Variants in RPS24 observed in about 807,000 individuals in gnomAD.
RPS24 encodes the protein small ribosomal subunit protein eS24.
For missense variants in RPS24, 100 were observed against 162.5 expected, an observed-to-expected ratio of 0.62 and a Z score of 2.09; for synonymous variants, 72 against 55.6, an observed-to-expected ratio of 1.30 and a Z score of -1.31.
Position 78,035,332 on chromosome 10 carries a change from C to T in RPS24, c.4-20C>T. 6.2e-7 allele frequency: 1 copy of T among 1,612,270 alleles called. No homozygotes were observed. The highest frequency in any genetic ancestry group is 8.5e-7 in the Non-Finnish European group (1 of 1,178,430). On this transcript the variant is annotated intron_variant, in intron 1 of 5. Coordinates refer to ENST00000372360, the MANE Select transcript of RPS24 (RefSeq NM_033022.4). ...GAAAAGTTGGAGTAGTTTTATTAAC[C>T]AGAGTGTTTATGTTTTCAGAACGAC...
exon 5 of RPS24, chr10:78,054,846 G>T: frequency 6.4e-7 from 1 of 1,551,392 alleles, no homozygotes; most frequent in Non-Finnish European, 8.7e-7. Flanking sequence ...TCCCCACCCT[G>T]TGGACGGTGA....
At chr10:78,037,981 A>T in intron 4 of RPS24, 1 of 1,278,076 alleles carries the variant, frequency 7.8e-7, no homozygotes, top group South Asian at 1.3e-5. Flanking sequence ...AGTGTCTAGC[A>T]GGTACTGAGA....
chr10:78,041,197 G>A (rs1444608899), downstream of RPS24, among the ~76,000 whole-genome samples: 1 of 152,214 alleles, frequency 6.6e-6, no homozygotes, highest in Non-Finnish European at 1.5e-5. Context: ...AGAGCTGAAA[G>A]ACTTGGTTGG....
At chr10:78,051,871 G>C (rs181737034) in intron 4 of RPS24, among the ~76,000 whole-genome samples, 6 of 152,220 alleles carry the variant, frequency 3.9e-5, no homozygotes, top group Non-Finnish European at 5.9e-5. Context: ...TTAGAAAAAT[G>C]CCTGTTTGAA....
At chr10:78,041,654 G>A (rs770915863), downstream of RPS24, among the ~76,000 whole-genome samples, 6 of 152,304 alleles carry the variant, frequency 3.9e-5, no homozygotes, top group East Asian at 7.7e-4. Flanking sequence ...CTGGAGTGTG[G>A]AAGCAGAGAA....
intron 3 of RPS24, 32 bp downstream of exon 3, chr10:78,035,752 T>C (rs765132622): frequency 6.4e-7 from 1 of 1,553,790 alleles, no homozygotes; most frequent in Non-Finnish European, 8.8e-7. Flanking sequence ...GATCAGCTCC[T>C]GAAGACCTAT....
exon 5 of RPS24, chr10:78,054,552 G>T (rs753338887): frequency 6.5e-7 from 1 of 1,545,190 alleles, no homozygotes; most frequent in East Asian, 2.5e-5. Flanking sequence ...GGGGCTTGGA[G>T]TGCAAGCATT....
At chr10:78,044,068 T>C (rs151205188), downstream of RPS24, among the ~76,000 whole-genome samples, 5 of 152,216 alleles carry the variant, frequency 3.3e-5, no homozygotes, top group African/African-American at 4.8e-5. Context: ...ATTATTAATA[T>C]CTTACTCCCT....
intron 5 of RPS24, 93 bp from the exon 6 acceptor site, chr10:78,040,520 AAT>A (rs1847969979): frequency 1.1e-6 from 1 of 899,084 alleles, no homozygotes; most frequent in South Asian, 1.3e-5. Context: ...GGTTACTAAT[AAT>A]TGTTGTGCAT....
chr10:78,043,245 C>T (rs1335490840), downstream of RPS24, among the ~76,000 whole-genome samples: 12 of 152,228 alleles, frequency 7.9e-5, no homozygotes, highest in African/African-American at 2.4e-4. Context: ...CCTTGTGATC[C>T]GCCTGCCTTG....
chr10:78,048,860 G>A (rs543891194), intron 4 of RPS24: 32 of 137,218 alleles, frequency 2.3e-4, no homozygotes, highest in African/African-American at 9.1e-4. Context: ...GGGCGACAGA[G>A]CGAGAGTCCA....
chr10:78,043,811 T>G (rs1168858476), downstream of RPS24, among the ~76,000 whole-genome samples: 1 of 152,188 alleles, frequency 6.6e-6, no homozygotes, highest in Non-Finnish European at 1.5e-5. Flanking sequence ...AGTCCCCACC[T>G]ATCTAGTTTC....
At chr10:78,043,945 C>T (rs1848014763), downstream of RPS24, among the ~76,000 whole-genome samples, 1 of 143,282 alleles carries the variant, frequency 7.0e-6, no homozygotes, top group African/African-American at 3.0e-5. Flanking sequence ...CGTCACCATG[C>T]CTACGTCATT....
At chr10:78,056,754 T>A (rs7076705) in exon 5 of RPS24, 20,557 of 152,250 alleles carry the variant, frequency 0.14, 4,488 homozygotes, top group African/African-American at 0.46. Flanking sequence ...CTCCCTGAAG[T>A]ATCTATACCC....
exon 5 of RPS24, chr10:78,055,047 A>T (rs1354588689): frequency 1.4e-6 from 2 of 1,457,070 alleles, no homozygotes; most frequent in Non-Finnish European, 9.1e-7. Flanking sequence ...ATTTCTGAGG[A>T]TGCTTCATCT....
downstream of RPS24, among the ~76,000 whole-genome samples, chr10:78,044,725 G>A (rs1848024449): frequency 6.6e-6 from 1 of 150,618 alleles, no homozygotes; most frequent in Non-Finnish European, 1.5e-5. Context: ...TGAGGTCCTG[G>A]TAAGAAACGA....
At chr10:78,034,071 G>T (rs1847801910) in intron 1 of RPS24, 167 bp downstream of exon 1, 2 of 809,172 alleles carry the variant, frequency 2.5e-6, no homozygotes, top group Middle Eastern at 2.5e-4. Flanking sequence ...CAGGGCGTCC[G>T]GGCTGGCGGG....
chr10:78,037,763 G>A (rs775083781), intron 4 of RPS24: 12 of 365,760 alleles, frequency 3.3e-5, no homozygotes, highest in Non-Finnish European at 5.0e-5. Context: ...TTCCTCTCCA[G>A]TTGGCCAAGA....
At chr10:78,046,213 C>G (rs940433577) in intron 4 of RPS24, among the ~76,000 whole-genome samples, 6 of 152,136 alleles carry the variant, frequency 3.9e-5, no homozygotes, top group Non-Finnish European at 8.8e-5. Context: ...AATGGGAATA[C>G]TGTCTCTGCC....
Sources: gnomAD v4.1 joint callset for allele counts (sites outside exome capture counted in the v4.1 genomes callset) on GRCh38, gnomAD v4.1.1 for gene constraint, MANE v1.5 for transcripts, NCBI Gene and HGNC (gene_info 2026-07-23, HGNC 2026-07-21) for gene names.